The following ZNF114 variants were observed in gnomAD, a reference collection of about 807,000 sequenced individuals.
ZNF114 encodes zinc finger protein 114, also known as zinc finger protein 114 (Y18).
In ZNF114, 8 loss-of-function variants were observed where a neutral mutation model predicts 6.8. The ratio of observed to expected loss-of-function variants is 1.18; its 90% CI spans 0.69 to 2.13. The LOEUF is 2.13. Ranked by LOEUF, ZNF114 falls within the 30% of genes most tolerant of loss-of-function variation. ZNF114 has a pLI of 0.00. For synonymous variants in ZNF114, 169 were observed against 185.5 expected (o/e 0.91, Z 0.72); for missense variants, 472 against 519.5 (o/e 0.91, Z 0.89).
chr19:48,276,668 C>G (rs113245531), intron 3 of ZNF114, among the ~76,000 whole-genome samples: 4 of 152,136 alleles, frequency 2.6e-5, no homozygotes, highest in Non-Finnish European at 5.9e-5. Context: ...AGACTAGAGG[C>G]GCACGCCAGC....
At chr19:48,283,819 C>T (rs1457807378) in intron 5 of ZNF114, among the ~76,000 whole-genome samples, 2 of 151,894 alleles carry the variant, frequency 1.3e-5, no homozygotes, top group Non-Finnish European at 1.5e-5. Context: ...CTGCAACCTC[C>T]ACCTCCCGGG....
intron 3 of ZNF114, among the ~76,000 whole-genome samples, chr19:48,277,497 C>G (rs1390036031): frequency 6.6e-6 from 1 of 152,094 alleles, no homozygotes; most frequent in African/African-American, 2.4e-5. Flanking sequence ...TTTTTTCCCC[C>G]TCTGGTTTTC....
At chr19:48,272,851 TGTGGCGC>T (rs1967707836) in intron 3 of ZNF114, among the ~76,000 whole-genome samples, 2 of 139,592 alleles carry the variant, frequency 1.4e-5, no homozygotes, top group Non-Finnish European at 3.1e-5. Context: ...GCTGGAGCGC[TGTGGCGC>T]GATCTCTGCT....
chr19:48,284,835 G>A (rs1419022875), intron 5 of ZNF114, among the ~76,000 whole-genome samples: 3 of 152,098 alleles, frequency 2.0e-5, no homozygotes, highest in Admixed American at 6.6e-5. Context: ...CCAGCTACTC[G>A]GGAGACTGAG....
intron 3 of ZNF114, among the ~76,000 whole-genome samples, chr19:48,274,125 T>C (rs1037828895): frequency 2.0e-5 from 3 of 151,518 alleles, no homozygotes; most frequent in African/African-American, 7.3e-5. Context: ...TATATATAAA[T>C]ATATACACAC....
rs1308652392 is a variant in ZNF114 at position 48,286,293 on chromosome 19, G to A, written c.669G>A (p.Arg223=). 1.2e-6 allele frequency: 2 copies of A among 1,614,140 alleles called. No homozygotes were observed. The highest frequency in any genetic ancestry group is 2.2e-5 in the East Asian group (1 of 44,886). ...EIDTGANRHQ[R]NPFGKAFRED... ...ATACGGGGGCCAACAGGCACCAGCG[G>A]AATCCATTTGGAAAAGCTTTCCGTG... Residue 223 remains arginine (R), a synonymous_variant, in exon 6 of 6, where the codon CGG becomes CGA. Transcript: ENST00000595607.
intron 3 of ZNF114, among the ~76,000 whole-genome samples, chr19:48,275,685 C>T (rs565444737): frequency 1.1e-4 from 17 of 151,966 alleles, no homozygotes; most frequent in Non-Finnish European, 2.1e-4. Flanking sequence ...GTGTTCATCA[C>T]ATCAGTGTAA....
intron 3 of ZNF114, among the ~76,000 whole-genome samples, chr19:48,274,972 T>A (rs913900916): frequency 6.6e-6 from 1 of 151,712 alleles, no homozygotes; most frequent in African/African-American, 2.4e-5. Flanking sequence ...TGGTTGTTCC[T>A]TGTGTCGTTG....
rs999965221 is a variant in ZNF114, at chr19:48,286,720, T to C, written c.1096T>C (p.Cys366Arg). 1 of 1,613,666 alleles carries C rather than the reference T, an allele frequency of 6.2e-7. No homozygotes were observed. The highest frequency in any genetic ancestry group is 8.5e-7 in the Non-Finnish European group (1 of 1,179,944). ...VQKKPYECEE[C>R]GKVIRESSKY... ...GAAGAAGCCCTACGAATGTGAAGAA[T>C]GTGGGAAAGTCATTCGGGAGTCCTC... is the stretch of plus-strand genomic sequence containing the variant. The change falls in exon 6 of 6, where the codon TGT becomes CGT. Residue 366 changes from cysteine to arginine, a missense_variant. Transcript: ENST00000595607.
intron 1 of ZNF114, chr19:48,271,012 C>G (rs1313742306): frequency 2.0e-5 from 3 of 149,466 alleles, no homozygotes; most frequent in African/African-American, 7.4e-5. Context: ...ACCGAGATCG[C>G]GCCACTGCAC....
intron 1 of ZNF114, among the ~76,000 whole-genome samples, chr19:48,270,704 AAAGAAAGAAAGAG>A (rs201545558): frequency 0.02 from 2,805 of 141,358 alleles, 87 homozygotes; most frequent in African/African-American, 0.069. Context: ...AGGGAGAGGA[AAAGAAAGAAAGAG>A]AAGAAAGAAA....
At chr19:48,272,285 G>T (rs1215120650) in intron 3 of ZNF114, among the ~76,000 whole-genome samples, 2 of 151,888 alleles carry the variant, frequency 1.3e-5, no homozygotes, top group African/African-American at 4.8e-5. Context: ...GGTGGCATGC[G>T]CCTGTAATCC....
intron 3 of ZNF114, among the ~76,000 whole-genome samples, chr19:48,273,476 A>C (rs1487599937): frequency 4.8e-5 from 7 of 145,104 alleles, no homozygotes; most frequent in South Asian, 4.3e-4. Flanking sequence ...GTCTGAGGTT[A>C]CTAGGGTCAG....
At chr19:48,284,406 T>G (rs1968065033) in intron 5 of ZNF114, among the ~76,000 whole-genome samples, 1 of 151,384 alleles carries the variant, frequency 6.6e-6, no homozygotes, top group Non-Finnish European at 1.5e-5. Context: ...TCTTTTTGTC[T>G]TTAAAAACAA....
At chr19:48,284,045 A>G (rs866524348) in intron 5 of ZNF114, among the ~76,000 whole-genome samples, 2 of 152,158 alleles carry the variant, frequency 1.3e-5, no homozygotes, top group Middle Eastern at 3.4e-3. Flanking sequence ...TAAGGGGATC[A>G]TGGAGGATAA....
Position 48,277,794 on chromosome 19 carries a change from G to GGGGTGTGTGTGTGT in ZNF114, c.-69-1936_-69-1935insGGTGTGTGTGTGTG, listed in dbSNP as rs1330052475. Among the ~76,000 whole-genome samples, 914 of 119,390 alleles carry GGGGTGTGTGTGTGT rather than the reference G, an allele frequency of 7.7e-3. 12 individuals are homozygous for GGGGTGTGTGTGTGT. The highest frequency in any genetic ancestry group is 8.7e-3 in the South Asian group (28 of 3,216). 78.3% of individuals were successfully genotyped at this position (119,390 alleles called of 152,430 possible). The stretch of plus-strand genomic sequence containing the variant: ...GAATAGACTGACCAGGGAGGCATTG[G>GGGGTGTGTGTGTGT]GTGTGTGTGTGTGTGTGTGTGTGTG... On this transcript the variant is annotated intron_variant, in intron 3 of 5. Coordinates refer to ENST00000595607, the MANE Select transcript of ZNF114 (RefSeq NM_153608.4).
rs374044704 is a variant in ZNF114, at chr19:48,285,794, C to G, written c.170C>G (p.Thr57Ser). ...WATPCKTKDA[T>S]PQPDILPKRT... ...ACTCCATGTAAAACCAAAGACGCAA[C>G]CCCTCAGCCGGATATTCTTCCTAAA... The change falls in exon 6 of 6, where the codon ACC becomes AGC. Residue 57 changes from threonine to serine, a missense_variant. Physicochemically the swap from Thr to Ser is moderately conservative, Grantham distance 58. Coordinates refer to ENST00000595607, the MANE Select transcript of ZNF114 (RefSeq NM_153608.4). The G allele has an allele frequency of 1.2e-6, 2 of 1,611,016 alleles. No homozygotes were observed. Among genetic ancestry groups the G allele is most frequent in the African/African-American group, 1.3e-5 (1 of 74,704 alleles).
intron 3 of ZNF114, among the ~76,000 whole-genome samples, chr19:48,273,757 CTTTTT>C (rs779316334): frequency 7.9e-6 from 1 of 127,130 alleles, no homozygotes; most frequent in African/African-American, 3.0e-5. Context: ...TGGGGCTTTT[CTTTTT>C]TTTTTTTTTT....
At position 48,286,138 on chromosome 19, in the gene ZNF114, G is replaced by A; in HGVS notation, c.514G>A (p.Glu172Lys). 1 of 1,614,170 alleles carries A rather than the reference G, an allele frequency of 6.2e-7. No individual in the cohort carries two copies. The highest frequency in any genetic ancestry group is 1.1e-5 in the South Asian group (1 of 91,082). Residue 172 changes from glutamate (E) to lysine (K), a missense_variant, in exon 6 of 6, where the codon GAA becomes AAA. Transcript: ENST00000595607. Reference protein sequence around the residue: ...PVLNDSQKTHENNEDDGVLGW... With the variant: ...PVLNDSQKTHKNNEDDGVLGW... ...CTTAAACGATAGTCAAAAAACACAT[G>A]AAAACAACGAAGACGATGGAGTCTT...
Sources: allele counts gnomAD v4.1 joint callset (sites outside exome capture counted in the v4.1 genomes callset), GRCh38; gene constraint gnomAD v4.1.1; transcripts MANE v1.5; gene names NCBI Gene and HGNC (gene_info 2026-07-23, HGNC 2026-07-21).